The following DDA1 variants were observed in gnomAD, a reference collection of about 807,000 sequenced individuals.
The protein encoded by DDA1 is DET1 and DDB1 associated 1, also known as DET1- and DDB1-associated protein 1.
DDA1 carries 3 observed loss-of-function variants against 18.6 expected under a neutral mutation model. The ratio of observed to expected loss-of-function variants is 0.16; its 90% CI spans 0.07 to 0.42. The LOEUF (loss-of-function observed/expected upper bound fraction) is 0.42, where lower values mean the gene tolerates loss of function less well. Ranked by LOEUF, DDA1 falls within the 10% of genes least tolerant of loss-of-function variation. The pLI, the probability that DDA1 is intolerant of heterozygous loss-of-function variation, is 0.99. For missense variants in DDA1, 105 were observed against 138.2 expected, an observed-to-expected ratio of 0.76 and a Z score of 1.20; for synonymous variants, 52 against 54.0, an observed-to-expected ratio of 0.96 and a Z score of 0.17.
chr19:17,319,535 C>G lies in DDA1; in HGVS notation c.199-11C>G. 6.4e-7 allele frequency: 1 copy of G among 1,556,156 alleles called. No homozygotes were observed. The highest frequency in any genetic ancestry group is 1.2e-5 in the South Asian group (1 of 84,342). Reference sequence around the variant, plus strand: ...AAGACTCACAGCCCCTCTCTTTTCCCTGTCCCCCAGAACGCTGCCAAGAAG... The same window carrying G: ...AAGACTCACAGCCCCTCTCTTTTCCGTGTCCCCCAGAACGCTGCCAAGAAG... On this transcript the variant is annotated splice_polypyrimidine_tract_variant and intron_variant, in intron 4 of 4. Transcript: ENST00000359866.
rs953537653 is a variant in DDA1, at chr19:17,314,085, C to T, written c.66C>T (p.Asp22=). 6.2e-7 allele frequency: 1 copy of T among 1,614,134 alleles called. No homozygotes were observed. Among genetic ancestry groups the T allele is most frequent in the South Asian group, 1.1e-5 (1 of 91,086 alleles). The change falls in exon 2 of 5, where the codon GAC becomes GAT. Residue 22 remains aspartate, a synonymous_variant. Transcript: ENST00000359866. This position sits in a 1 kb window ranked among gnomAD's most constrained non-coding sequence, Gnocchi z 4.6. ...GCAATTTTAGTCGATTTCACGCGGA[C>T]TCCGTGTGCAAAGCCTCGGTGAGTG... is the stretch of plus-strand genomic sequence containing the variant. ...NKSNFSRFHA[D]SVCKASNRRP...
chr19:17,313,348 G>A (rs1278009242), intron 1 of DDA1, among the ~76,000 whole-genome samples: 1 of 151,878 alleles, frequency 6.6e-6, no homozygotes, highest in Non-Finnish European at 1.5e-5. Context: ...CCCCGTTCAG[G>A]GCAAGCCATG....
chr19:17,315,200 T>TACACACGTGTATATAC lies in DDA1; in HGVS notation c.137-720_137-705dup. Among the ~76,000 whole-genome samples, 2 of 13,778 alleles carry TACACACGTGTATATAC rather than the reference T, an allele frequency of 1.5e-4. 1 individual carries two copies. Among genetic ancestry groups the TACACACGTGTATATAC allele is most frequent in the Admixed American group, 8.0e-4 (2 of 2,496 alleles). 9.0% of individuals were successfully genotyped at this position (13,778 alleles called of 152,430 possible). ...ACACACGTGTATACACACACGTGTA[T>TACACACGTGTATATAC]ACACACGTGTATATACACACACGTG... On this transcript the variant is annotated intron_variant, in intron 3 of 4. Transcript: ENST00000359866.
Position 17,309,632 on chromosome 19 carries a change from G to C in DDA1, c.-23G>C, listed in dbSNP as rs779599481. On this transcript the variant is annotated 5_prime_UTR_variant, in exon 1 of 5. Coordinates refer to ENST00000359866, the MANE Select transcript of DDA1 (RefSeq NM_024050.6). ...CGGTGGAGGCTGAGGCGGCGGCCGA[G>C]GCGGCGACGGAGGAAACAGAAGATG... 1 of 1,612,890 alleles carries C rather than the reference G, an allele frequency of 6.2e-7. No homozygotes were observed. The highest frequency in any genetic ancestry group is 1.3e-5 in the African/African-American group (1 of 74,882).
At chr19:17,315,352 A>G (rs62128099) in intron 3 of DDA1, among the ~76,000 whole-genome samples, 27 of 61,112 alleles carry the variant, frequency 4.4e-4, no homozygotes, top group Non-Finnish European at 9.1e-4. Flanking sequence ...TATACACGCT[A>G]TATATATACG....
intron 4 of DDA1, 72 bp downstream of exon 4, chr19:17,316,067 G>T: frequency 6.6e-7 from 1 of 1,523,598 alleles, no homozygotes; most frequent in Non-Finnish European, 9.1e-7. Context: ...GGGCTTCTGA[G>T]CACAGGAAGG....
intron 1 of DDA1, among the ~76,000 whole-genome samples, chr19:17,312,085 G>A (rs2074181719): frequency 6.6e-6 from 1 of 152,206 alleles, no homozygotes; most frequent in Admixed American, 6.5e-5. Context: ...ACCCTGGGAG[G>A]TGGCCCTGTT....
intron 1 of DDA1, 36 bp from the exon 2 acceptor site, chr19:17,313,987 C>T (rs1299120626): frequency 1.3e-6 from 2 of 1,573,526 alleles, no homozygotes; most frequent in Admixed American, 1.7e-5. Flanking sequence ...CTGGCCCTTG[C>T]CTGTTTTCTC....
intron 4 of DDA1, among the ~76,000 whole-genome samples, chr19:17,317,688 A>C (rs1373848154): frequency 6.9e-6 from 1 of 144,422 alleles, no homozygotes; most frequent in Non-Finnish European, 1.5e-5. Context: ...AAAAAAAAAA[A>C]CAAATTAGCT....
rs1282540817 is a variant in DDA1 at position 17,315,348 on chromosome 19, C to T, written c.137-586C>T. 1.7e-4 allele frequency among the ~76,000 whole-genome samples: 12 copies of T among 71,536 alleles called. 1 individual carries two copies. Among genetic ancestry groups the T allele is most frequent in the East Asian group, 4.9e-4 (2 of 4,086 alleles). The allele number at this position is 71,536 out of a possible 152,430, so 46.9% of individuals were successfully genotyped here. On this transcript the variant is annotated intron_variant, in intron 3 of 4. Transcript: ENST00000359866. ...ATATATACACACGTATATATATACA[C>T]GCTATATATATACGCTATATATATA...
chr19:17,311,050 T>TAGA (rs2074176428), intron 1 of DDA1, among the ~76,000 whole-genome samples: 1 of 152,156 alleles, frequency 6.6e-6, no homozygotes, highest in Non-Finnish European at 1.5e-5. Flanking sequence ...GAGATGGGGA[T>TAGA]TCCCTATGTT....
intron 3 of DDA1, among the ~76,000 whole-genome samples, chr19:17,315,429 CATATATAT>C (rs56662339): frequency 1.9e-4 from 10 of 52,034 alleles, no homozygotes; most frequent in African/African-American, 6.1e-4. Context: ...TGTGTGTGTG[CATATATAT>C]ATATATATAT....
At chr19:17,315,306 A>ATATATATACACACGTG in intron 3 of DDA1, among the ~76,000 whole-genome samples, 1 of 23,366 alleles carries the variant, frequency 4.3e-5, no homozygotes, top group East Asian at 3.4e-4. Context: ...ACACACGTGT[A>ATATATATACACACGTG]TATATATACA....
chr19:17,309,673 A>G lies in DDA1; in HGVS notation c.3+16A>G, dbSNP rs1317950565. The G allele has an allele frequency of 1.9e-6, 3 of 1,612,148 alleles. No homozygotes were observed. The highest frequency in any genetic ancestry group is 2.7e-5 in the African/African-American group (2 of 74,832). ...ACAGAAGATGGTGAGGATGGCCTCC[A>G]GGCCCCCACTCCCCCTCTGCTAGAC... On this transcript the variant is annotated intron_variant, in intron 1 of 4. Transcript: ENST00000359866.
chr19:17,315,230 C>CGCACGTATAT lies in DDA1; in HGVS notation c.137-704_137-703insGCACGTATAT, dbSNP rs2074201942. On this transcript the variant is annotated intron_variant, in intron 3 of 4. Transcript: ENST00000359866. Reference sequence around the variant, plus strand: ...ACGTGTATATACACACACGTGTATACACACACACGTGTATATACACACACG... The same window carrying CGCACGTATAT: ...ACGTGTATATACACACACGTGTATACGCACGTATATACACACACGTGTATATACACACACG... 1.7e-4 allele frequency among the ~76,000 whole-genome samples: 2 copies of CGCACGTATAT among 11,698 alleles called. 1 individual carries two copies. Among genetic ancestry groups the CGCACGTATAT allele is most frequent in the African/African-American group, 1.1e-3 (2 of 1,902 alleles). The allele number at this position is 11,698 out of a possible 152,430, so 7.7% of individuals were successfully genotyped here. A position where few individuals can be genotyped will look rare whatever the true frequency, so the allele number is the denominator to read the frequency against.
At position 17,315,222 on chromosome 19, in the gene DDA1, C is replaced by T. The variant is rs1322786594; in HGVS notation, c.137-712C>T. ...GTATACACACGTGTATATACACACACGTGTATACACACACACGTGTATATA... is the reference window on the plus strand; with the variant it reads ...GTATACACACGTGTATATACACACATGTGTATACACACACACGTGTATATA... On this transcript the variant is annotated intron_variant, in intron 3 of 4. Transcript: ENST00000359866. 9.7e-5 allele frequency among the ~76,000 whole-genome samples: 2 copies of T among 20,570 alleles called. 1 individual carries two copies. Among genetic ancestry groups the T allele is most frequent in the Non-Finnish European group, 2.9e-4 (2 of 6,992 alleles). The allele number at this position is 20,570 out of a possible 152,430, so 13.5% of individuals were successfully genotyped here. A position where few individuals can be genotyped will look rare whatever the true frequency, so the allele number is the denominator to read the frequency against.
rs1599540390 is a variant in DDA1, at chr19:17,322,591, T to C, written c.*2935T>C. 1 of 152,406 alleles carries C rather than the reference T, an allele frequency of 6.6e-6. No homozygotes were observed. The highest frequency in any genetic ancestry group is 1.9e-4 in the East Asian group (1 of 5,178). The allele number at this position is 152,406 out of a possible 1,614,324, so 9.4% of individuals were successfully genotyped here. The stretch of plus-strand genomic sequence containing the variant: ...CCTTAAGCCTTTGGATGTGGACACA[T>C]TTGTCCTCTTCCTGAAAAATGTGAG... On this transcript the variant is annotated 3_prime_UTR_variant, in exon 5 of 5. Coordinates refer to ENST00000359866, the MANE Select transcript of DDA1 (RefSeq NM_024050.6).
At chr19:17,319,088 G>T (rs2074227335) in intron 4 of DDA1, among the ~76,000 whole-genome samples, 1 of 152,204 alleles carries the variant, frequency 6.6e-6, no homozygotes, top group African/African-American at 2.4e-5. Context: ...TGGGTGGGTT[G>T]CTCCTCTGAG....
intron 4 of DDA1, among the ~76,000 whole-genome samples, chr19:17,318,870 G>A (rs189291050): frequency 6.6e-6 from 1 of 151,980 alleles, no homozygotes; most frequent in African/African-American, 2.4e-5. Context: ...TGAACAGTGG[G>A]TGGCTGCCTA....
Sources: allele counts gnomAD v4.1 joint callset (sites outside exome capture counted in the v4.1 genomes callset), GRCh38; gene constraint gnomAD v4.1.1; non-coding constraint Gnocchi (gnomAD v3.1); transcripts MANE v1.5; gene names NCBI Gene and HGNC (gene_info 2026-07-23, HGNC 2026-07-21).